The following SPTBN4 variants were observed in gnomAD, a reference collection of about 807,000 sequenced individuals.
The protein encoded by SPTBN4 is spectrin beta chain, non-erythrocytic 4.
SPTBN4 carries 96 observed loss-of-function variants against 277.8 expected under a neutral mutation model. The observed-to-expected ratio is 0.35, with a 90% CI of 0.29 to 0.41. SPTBN4 has a LOEUF of 0.41. Among genes scored for constraint, SPTBN4 ranks in the 10% least tolerant of loss-of-function variants. The pLI is 1.00. For synonymous variants in SPTBN4, 1,481 were observed against 1,580.3 expected, an observed-to-expected ratio of 0.94 and a Z score of 1.49; for missense variants, 3,006 against 3,595.7, an observed-to-expected ratio of 0.84 and a Z score of 4.19.
chr19:40,541,030 A>C (rs193164076), intron 20 of SPTBN4, among the ~76,000 whole-genome samples: 1 of 152,158 alleles, frequency 6.6e-6, no homozygotes, highest in East Asian at 1.9e-4. Flanking sequence ...CAGACATTTT[A>C]GATCTTTCTC....
rs2080452171 is a variant in SPTBN4 at position 40,515,958 on chromosome 19, T to C, written c.2903+510T>C. ...ACATATATACGTATATATACACATATATACGTATATATACACATATATACG... is the reference window on the plus strand; with the variant it reads ...ACATATATACGTATATATACACATACATACGTATATATACACATATATACG... On this transcript the variant is annotated intron_variant, in intron 15 of 35. Coordinates refer to ENST00000598249, the MANE Select transcript of SPTBN4 (RefSeq NM_020971.3). The surrounding 1 kb of genome is among the most constrained non-coding windows in gnomAD (Gnocchi z 4.1). Among the ~76,000 whole-genome samples, 2 of 148,768 alleles carry C rather than the reference T, an allele frequency of 1.3e-5. No homozygotes were observed. Among genetic ancestry groups the C allele is most frequent in the African/African-American group, 4.9e-5 (2 of 40,448 alleles).
At chr19:40,518,144 A>C (rs1568800924) in intron 15 of SPTBN4, among the ~76,000 whole-genome samples, 1 of 151,986 alleles carries the variant, frequency 6.6e-6, no homozygotes, top group East Asian at 1.9e-4. Flanking sequence ...CATCTCTATT[A>C]AAAATATAAA....
chr19:40,554,208 G>T lies in SPTBN4; in HGVS notation c.4736G>T (p.Gly1579Val). 6.7e-7 allele frequency: 1 copy of T among 1,483,772 alleles called. No homozygotes were observed. Among genetic ancestry groups the T allele is most frequent in the Non-Finnish European group, 8.9e-7 (1 of 1,129,434 alleles). The allele number at this position is 1,483,772 out of a possible 1,614,324, so 91.9% of individuals were successfully genotyped here. Residue 1579 changes from glycine (G) to valine (V), a missense_variant, in exon 23 of 36, where the codon GGC becomes GTC. This residue lies in a region of SPTBN4 where 1,759 missense variants were observed against 2,061.5 expected (regional missense o/e 0.85). Transcript: ENST00000598249. This position sits in a 1 kb window ranked among gnomAD's most constrained non-coding sequence, Gnocchi z 5.7. Reference sequence around the variant, plus strand: ...CTGGAGGAGGTGCTGGAGCGCGCGGGCGCGCTGGCGTCGCTGCGCAGCCCG... The same window carrying T: ...CTGGAGGAGGTGCTGGAGCGCGCGGTCGCGCTGGCGTCGCTGCGCAGCCCG... ...PRLEEVLERAGALASLRSPEA... is the reference protein window; with the variant it reads ...PRLEEVLERAVALASLRSPEA...
chr19:40,570,390 C>T, intron 32 of SPTBN4, 46 bp from the exon 33 acceptor site: 1 of 1,478,260 alleles, frequency 6.8e-7, no homozygotes, highest in Non-Finnish European at 9.0e-7. Context: ...ATGACCCCCA[C>T]ACCCTCTCCA....
intron 13 of SPTBN4, among the ~76,000 whole-genome samples, chr19:40,507,131 T>C (rs1401724970): frequency 6.6e-6 from 1 of 152,054 alleles, no homozygotes; most frequent in Admixed American, 6.6e-5. Flanking sequence ...CTAGTCAACA[T>C]GGCGAAACCC....
intron 19 of SPTBN4, 37 bp from the exon 20 acceptor site, chr19:40,534,043 T>A (rs1474033687): frequency 6.4e-7 from 1 of 1,568,876 alleles, no homozygotes; most frequent in Admixed American, 1.8e-5. Flanking sequence ...CATCTATCTA[T>A]CTTCTCCATC....
chr19:40,539,545 C>T (rs557333600), intron 20 of SPTBN4, among the ~76,000 whole-genome samples: 16 of 152,270 alleles, frequency 1.1e-4, no homozygotes, highest in East Asian at 3.9e-4. Flanking sequence ...GGCAGGACCT[C>T]GGCTCACTGC....
chr19:40,509,686 G>A (rs148462785), intron 13 of SPTBN4, among the ~76,000 whole-genome samples: 51 of 152,306 alleles, frequency 3.3e-4, no homozygotes, highest in East Asian at 9.6e-4. Context: ...AGGCTGGTCC[G>A]TATCTCTCCA....
rs920676941 is a variant in SPTBN4, at chr19:40,513,007, C to A, written c.2218C>A (p.His740Asn). 1.4e-6 allele frequency: 2 copies of A among 1,434,152 alleles called. No individual in the cohort carries two copies. The highest frequency in any genetic ancestry group is 9.1e-7 in the Non-Finnish European group (1 of 1,100,940). The allele number at this position is 1,434,152 out of a possible 1,614,324, so 88.8% of individuals were successfully genotyped here. ...GAVGPGADTV[H>N]LVGLAERAAS... ...CGTCGGCCCGGGAGCAGACACCGTG[C>A]ACCTGGTAGGCCTGGCGGAGCGCGC... Residue 740 changes from histidine (H) to asparagine (N), a missense_variant, in exon 14 of 36, where the codon CAC (histidine) becomes AAC (asparagine). Physicochemically the swap from His to Asn is moderately conservative, Grantham distance 68. Coordinates refer to ENST00000598249, the MANE Select transcript of SPTBN4 (RefSeq NM_020971.3).
rs577601135 is a variant in SPTBN4 at position 40,513,688 on chromosome 19, T to C, written c.2765+134T>C. ...TCCCTGCTTCACCCATAGCCAGCTT[T>C]GTGACAGTTCTGCAACCTGCCTAAT... is the stretch of plus-strand genomic sequence containing the variant. On this transcript the variant is annotated intron_variant, in intron 14 of 35. Coordinates refer to ENST00000598249, the MANE Select transcript of SPTBN4 (RefSeq NM_020971.3). 1.8e-5 allele frequency: 18 copies of C among 988,038 alleles called. No homozygotes were observed. In the African/African-American group the frequency reaches 3.0e-4, roughly 16 times the overall value. The allele number at this position is 988,038 out of a possible 1,614,324, so 61.2% of individuals were successfully genotyped here. A position where few individuals can be genotyped will look rare whatever the true frequency, so the allele number is the denominator to read the frequency against.
intron 4 of SPTBN4, among the ~76,000 whole-genome samples, chr19:40,492,021 TA>T (rs979157853): frequency 2.2e-5 from 3 of 137,404 alleles, no homozygotes; most frequent in East Asian, 2.0e-4. Flanking sequence ...AAACTCCATC[TA>T]AAAAAAACAA....
chr19:40,502,897 G>A lies in SPTBN4; in HGVS notation c.1326G>A (p.Glu442=), dbSNP rs1242229007. ...QRFDHKVAMR[E]SWLNENQRLV... The stretch of plus-strand genomic sequence containing the variant: ...TTGACCACAAGGTGGCTATGAGGGA[G>A]AGCTGGCTGAATGAGAACCAGCGTC... The change falls in exon 11 of 36, where the codon GAG becomes GAA. Residue 442 remains glutamate (E), a synonymous_variant. Transcript: ENST00000598249. The surrounding 1 kb of genome is among the most constrained non-coding windows in gnomAD (Gnocchi z 4.9). 3 of 1,613,766 alleles carry A rather than the reference G, an allele frequency of 1.9e-6. No individual in the cohort carries two copies. In the Admixed American group the frequency reaches 5.0e-5, roughly 27 times the overall value.
At position 40,568,164 on chromosome 19, in the gene SPTBN4, A is replaced by C; in HGVS notation, c.6838A>C (p.Ser2280Arg). 1.3e-6 allele frequency: 2 copies of C among 1,584,278 alleles called. No individual in the cohort carries two copies. Among genetic ancestry groups the C allele is most frequent in the Non-Finnish European group, 1.7e-6 (2 of 1,165,970 alleles). The change falls in exon 31 of 36, where the codon AGC becomes CGC. Residue 2280 changes from serine (S) to arginine (R), a missense_variant. Physicochemically the swap from Ser to Arg is moderately radical, Grantham distance 110. This residue lies in a region of SPTBN4 where 630 missense variants were observed against 677.6 expected (regional missense o/e 0.93). Transcript: ENST00000598249. The stretch of plus-strand genomic sequence containing the variant: ...GTCAGCGGAGCACGAGGCGGCACAC[A>C]GCCTTACCCTGGGCCGCTATGAGCA... ...QESAEHEAAH[S>R]LTLGRYEQME...
chr19:40,494,510 ATATC>A (rs1055093600), intron 5 of SPTBN4, among the ~76,000 whole-genome samples: 3 of 151,198 alleles, frequency 2.0e-5, no homozygotes, highest in African/African-American at 4.9e-5. Flanking sequence ...ATCAATCTAT[ATATC>A]TATCATCTAT....
At position 40,485,631 on chromosome 19, in the gene SPTBN4, C is replaced by T. The variant is rs1253914615; in HGVS notation, c.170-2066C>T. 2.6e-5 allele frequency among the ~76,000 whole-genome samples: 4 copies of T among 151,650 alleles called. No homozygotes were observed. The East Asian group carries it at 7.8e-4, about 29-fold the overall frequency. ...GACCAGCCTGGGCAACATCGTGAGA[C>T]CCTTGTCTCTACAAAAATAAAAATT... is the stretch of plus-strand genomic sequence containing the variant. On this transcript the variant is annotated intron_variant, in intron 2 of 35. Transcript: ENST00000598249.
chr19:40,514,417 T>G (rs2080430430), intron 14 of SPTBN4, among the ~76,000 whole-genome samples: 1 of 152,156 alleles, frequency 6.6e-6, no homozygotes, highest in Admixed American at 6.5e-5. Flanking sequence ...GAGAGGCAAC[T>G]GGGCTGGGGA....
chr19:40,531,461 T>TTTG (rs2080670538), intron 18 of SPTBN4, among the ~76,000 whole-genome samples: 3 of 106,178 alleles, frequency 2.8e-5, no homozygotes, highest in Non-Finnish European at 5.6e-5. Flanking sequence ...GAGTCCAGTG[T>TTTG]TTGTTTTTTT....
At chr19:40,567,589 C>G in intron 30 of SPTBN4, 74 bp from the exon 31 acceptor site, 1 of 1,368,088 alleles carries the variant, frequency 7.3e-7, no homozygotes, top group Non-Finnish European at 9.6e-7. Flanking sequence ...AAACCCAGGC[C>G]GCCTCCCCGG....
Position 40,566,200 on chromosome 19 carries a change from G to T in SPTBN4, c.6177G>T (p.Val2059=), listed in dbSNP as rs983262541. The T allele has an allele frequency of 6.5e-7, 1 of 1,545,590 alleles. No homozygotes were observed. Among genetic ancestry groups the T allele is most frequent in the Non-Finnish European group, 8.7e-7 (1 of 1,143,534 alleles). Residue 2059 remains valine, a synonymous_variant, in exon 30 of 36, where the codon GTG becomes GTT. Coordinates refer to ENST00000598249, the MANE Select transcript of SPTBN4 (RefSeq NM_020971.3). Reference sequence around the variant, plus strand: ...ACCAGTTTGCCCAGGAGGCGGTGGTGGCTGATGCCTGGCTGACAGCCCAGG... The same window carrying T: ...ACCAGTTTGCCCAGGAGGCGGTGGTTGCTGATGCCTGGCTGACAGCCCAGG... The part of the protein sequence containing the change: ...EVHQFAQEAV[V]ADAWLTAQEP...
Sources: allele counts gnomAD v4.1 joint callset (sites outside exome capture counted in the v4.1 genomes callset), GRCh38; gene constraint gnomAD v4.1.1; regional missense constraint gnomAD v4.1.1; non-coding constraint Gnocchi (gnomAD v3.1); transcripts MANE v1.5; gene names NCBI Gene and HGNC (gene_info 2026-07-23, HGNC 2026-07-21).